Variants in SPTLC2 observed in about 807,000 individuals in gnomAD.
SPTLC2 encodes serine palmitoyltransferase 2.
Under a neutral mutation model 62.0 loss-of-function variants are expected in SPTLC2, and 21 were observed. The ratio of observed to expected loss-of-function variants is 0.34; its 90% confidence interval spans 0.24 to 0.49. SPTLC2 has a LOEUF of 0.49. Among genes scored for constraint, SPTLC2 ranks in the 20% least tolerant of loss-of-function variants. SPTLC2 has a pLI of 0.99. For synonymous variants in SPTLC2, 261 were observed against 261.8 expected (o/e 1.00, Z 0.03); for missense variants, 511 against 713.0 (o/e 0.72, Z 3.23).
intron 11 of SPTLC2, among the ~76,000 whole-genome samples, chr14:77,515,816 C>T (rs1053034878): frequency 2.6e-5 from 4 of 152,172 alleles, no homozygotes; most frequent in South Asian, 2.1e-4. Flanking sequence ...TGTGAGCCAC[C>T]GCACCCAGCC....
chr14:77,530,247 T>C (rs2079431236), intron 9 of SPTLC2, among the ~76,000 whole-genome samples: 1 of 152,060 alleles, frequency 6.6e-6, no homozygotes, highest in African/African-American at 2.4e-5. Context: ...CAAAAAAAGA[T>C]AAGCAAACCT....
chr14:77,535,768 A>G, intron 9 of SPTLC2: 1 of 329,498 alleles, frequency 3.0e-6, no homozygotes, highest in South Asian at 2.4e-5. Flanking sequence ...ATTCTTCCAA[A>G]GCATTTTTGC....
At chr14:77,569,755 G>T (rs922877943) in intron 5 of SPTLC2, among the ~76,000 whole-genome samples, 2 of 102,484 alleles carry the variant, frequency 2.0e-5, no homozygotes, top group African/African-American at 3.2e-5. Flanking sequence ...CCCACTTGGG[G>T]ATATATATAT....
chr14:77,601,875 G>C (rs906007709), intron 1 of SPTLC2, among the ~76,000 whole-genome samples: 4 of 152,036 alleles, frequency 2.6e-5, no homozygotes, highest in African/African-American at 9.7e-5. Context: ...TTTTATCCGT[G>C]GACCCAAAAC....
chr14:77,587,711 C>T (rs1367563549), intron 2 of SPTLC2, among the ~76,000 whole-genome samples: 4 of 151,234 alleles, frequency 2.6e-5, no homozygotes, highest in African/African-American at 9.7e-5. Context: ...GAACCGAGAT[C>T]GCACCACTGC....
At chr14:77,573,113 T>C (rs1334793713) in intron 4 of SPTLC2, among the ~76,000 whole-genome samples, 1 of 152,174 alleles carries the variant, frequency 6.6e-6, no homozygotes, top group African/African-American at 2.4e-5. Context: ...GCTTTTAACA[T>C]GCCTTCCTCA....
chr14:77,581,704 G>A (rs550237223), intron 2 of SPTLC2, among the ~76,000 whole-genome samples: 1 of 152,162 alleles, frequency 6.6e-6, no homozygotes, highest in East Asian at 1.9e-4. Context: ...GAGCCACCAT[G>A]CCCAGCCACC....
intron 9 of SPTLC2, among the ~76,000 whole-genome samples, chr14:77,528,981 G>A (rs1431476517): frequency 2.0e-5 from 3 of 151,788 alleles, no homozygotes; most frequent in Non-Finnish European, 2.9e-5. Flanking sequence ...GCTTACAGGC[G>A]CCCGCCACCA....
intron 9 of SPTLC2, among the ~76,000 whole-genome samples, chr14:77,550,244 A>C (rs2079548903): frequency 6.6e-6 from 1 of 152,280 alleles, no homozygotes; most frequent in Admixed American, 6.5e-5. Context: ...AGGATCTAGC[A>C]CAGATCAGAA....
intron 5 of SPTLC2, among the ~76,000 whole-genome samples, chr14:77,564,676 T>C (rs188541046): frequency 1.4e-4 from 22 of 152,052 alleles, no homozygotes; most frequent in Admixed American, 1.3e-3. Flanking sequence ...CATTTTATCA[T>C]GCCAGAAAGT....
chr14:77,554,930 T>TGTA, intron 8 of SPTLC2: 1 of 321,062 alleles, frequency 3.1e-6, no homozygotes, highest in South Asian at 2.9e-5. Context: ...AAGGGCAAGG[T>TGTA]GACCTGCTAT....
intron 6 of SPTLC2, among the ~76,000 whole-genome samples, chr14:77,558,929 G>A (rs971297813): frequency 3.9e-5 from 6 of 152,136 alleles, no homozygotes; most frequent in Non-Finnish European, 7.4e-5. Context: ...AATGTATGGC[G>A]ATCAGCTGAA....
At chr14:77,535,685 T>C (rs777468534) in intron 9 of SPTLC2, 1 of 252,064 alleles carries the variant, frequency 4.0e-6, no homozygotes, top group Non-Finnish European at 7.8e-6. Context: ...AAAGGGGTCG[T>C]GGACTCATAA....
At chr14:77,530,259 G>A (rs913157869) in intron 9 of SPTLC2, among the ~76,000 whole-genome samples, 1 of 151,826 alleles carries the variant, frequency 6.6e-6, no homozygotes, top group Non-Finnish European at 1.5e-5. Flanking sequence ...AGCAAACCTG[G>A]GTTAAAAACA....
chr14:77,602,981 A>T (rs1039944601), intron 1 of SPTLC2, among the ~76,000 whole-genome samples: 1 of 152,186 alleles, frequency 6.6e-6, no homozygotes, highest in Non-Finnish European at 1.5e-5. Flanking sequence ...TTTCAGGAAA[A>T]TTTTTTAAAA....
At chr14:77,552,057 G>C in intron 9 of SPTLC2, 39 bp downstream of exon 9, 1 of 1,612,062 alleles carries the variant, frequency 6.2e-7, no homozygotes, top group Non-Finnish European at 8.5e-7. Context: ...TTGGCTGCTA[G>C]GTGGACTTAT....
chr14:77,596,304 A>T (rs977083075), intron 2 of SPTLC2, among the ~76,000 whole-genome samples: 1 of 151,358 alleles, frequency 6.6e-6, no homozygotes. Flanking sequence ...GAGCCACTGC[A>T]CTCCAGCCTG....
At chr14:77,550,010 G>A (rs1471778391) in intron 9 of SPTLC2, among the ~76,000 whole-genome samples, 1 of 152,164 alleles carries the variant, frequency 6.6e-6, no homozygotes, top group Non-Finnish European at 1.5e-5. Context: ...CTAGCTGTAT[G>A]TATATATATG....
intron 4 of SPTLC2, among the ~76,000 whole-genome samples, chr14:77,573,809 T>A (rs191246008): frequency 1.4e-4 from 22 of 152,254 alleles, no homozygotes; most frequent in African/African-American, 5.3e-4. Flanking sequence ...TGTTTGTATT[T>A]CCAGTAAAGA....
Sources: allele counts gnomAD v4.1 joint callset (sites outside exome capture counted in the v4.1 genomes callset), GRCh38; gene constraint gnomAD v4.1.1; transcripts MANE v1.5; gene names NCBI Gene and HGNC (gene_info 2026-07-23, HGNC 2026-07-21).